Variants in SLC47A1 observed in about 807,000 individuals in gnomAD.
SLC47A1 encodes solute carrier family 47 member 1.
Under a neutral mutation model 65.8 loss-of-function variants are expected in SLC47A1, and 58 were observed. The ratio of observed to expected loss-of-function variants is 0.88; its 90% confidence interval spans 0.71 to 1.10. The LOEUF (loss-of-function observed/expected upper bound fraction) is 1.10. Among genes scored for constraint, SLC47A1 ranks in the 50% least tolerant of loss-of-function variants. The pLI is 0.00. For missense variants in SLC47A1, 706 were observed against 719.2 expected, an observed-to-expected ratio of 0.98 and a Z score of 0.21; for synonymous variants, 285 against 295.0, an observed-to-expected ratio of 0.97 and a Z score of 0.35.
intron 14 of SLC47A1, among the ~76,000 whole-genome samples, chr17:19,570,029 T>G (rs925092071): frequency 4.6e-5 from 7 of 152,164 alleles, no homozygotes; most frequent in Non-Finnish European, 7.3e-5. Context: ...GGAGGATCAC[T>G]TGACTCTAGG....
chr17:19,551,253 G>T (rs1916437742), intron 5 of SLC47A1, among the ~76,000 whole-genome samples, 171 bp from the exon 6 acceptor site: 1 of 152,188 alleles, frequency 6.6e-6, no homozygotes, highest in Admixed American at 6.5e-5. Context: ...GAAGCCCCTG[G>T]GCCATAACAC....
rs1222250614 is a variant in SLC47A1 at position 19,578,589 on chromosome 17, C to T, written c.*1036C>T. 1.3e-5 allele frequency: 2 copies of T among 154,452 alleles called. No individual in the cohort carries two copies. Among genetic ancestry groups the T allele is most frequent in the African/African-American group, 4.8e-5 (2 of 41,464 alleles). 9.6% of individuals were successfully genotyped at this position (154,452 alleles called of 1,614,324 possible). On this transcript the variant is annotated 3_prime_UTR_variant, in exon 17 of 17. Transcript: ENST00000270570. ...GCGGTACACACCGTTAATTCAGCAA[C>T]CCTCAGTACATACTAAGTATGCTCA...
intron 16 of SLC47A1, 53 bp from the exon 17 acceptor site, chr17:19,577,273 TA>T: frequency 6.3e-7 from 1 of 1,589,200 alleles, no homozygotes; most frequent in Non-Finnish European, 8.5e-7. Context: ...TAGCCCTTTA[TA>T]AAAATGAAAA....
chr17:19,568,914 G>A (rs189683271), intron 14 of SLC47A1, among the ~76,000 whole-genome samples: 40 of 151,888 alleles, frequency 2.6e-4, no homozygotes, highest in African/African-American at 9.6e-4. Context: ...TTTTACAGAT[G>A]GGGTCTTGCT....
Position 19,577,558 on chromosome 17 carries a change from G to T in SLC47A1, c.*5G>T. On this transcript the variant is annotated 3_prime_UTR_variant, in exon 17 of 17. Transcript: ENST00000270570. ...TTCTATGTCAGAATTCAGTGACGTG[G>T]TAGGAAAGAAAGTCAGGTCAAGTGA... 1 of 1,613,898 alleles carries T rather than the reference G, an allele frequency of 6.2e-7. No homozygotes were observed. The highest frequency in any genetic ancestry group is 8.5e-7 in the Non-Finnish European group (1 of 1,179,856).
chr17:19,563,824 T>C (rs1271686309), intron 12 of SLC47A1, among the ~76,000 whole-genome samples: 6 of 150,552 alleles, frequency 4.0e-5, no homozygotes, highest in Non-Finnish European at 8.9e-5. Context: ...CTGTCTCTAC[T>C]AAAAAATACA....
At chr17:19,534,492 A>G (rs1915936975) in intron 1 of SLC47A1, 1 of 162,554 alleles carries the variant, frequency 6.2e-6, no homozygotes, top group African/African-American at 2.4e-5. Context: ...AGTTGCCTGA[A>G]CTTCAAAACA....
At chr17:19,547,416 C>T (rs1916317684) in intron 3 of SLC47A1, among the ~76,000 whole-genome samples, 1 of 148,454 alleles carries the variant, frequency 6.7e-6, no homozygotes, top group African/African-American at 2.5e-5. Context: ...GGCACAATCT[C>T]GGCTCACTGC....
intron 1 of SLC47A1, among the ~76,000 whole-genome samples, chr17:19,539,666 A>G (rs1916086452): frequency 1.3e-5 from 2 of 152,014 alleles, no homozygotes; most frequent in Admixed American, 1.3e-4. Context: ...TTGTATTTTT[A>G]GTAGAGATGG....
chr17:19,572,925 T>G (rs902555616), intron 16 of SLC47A1, 64 bp downstream of exon 16: 8 of 1,389,992 alleles, frequency 5.8e-6, no homozygotes, highest in Non-Finnish European at 8.2e-6. Context: ...GGGCTGTTAG[T>G]GAGACACAGC....
chr17:19,572,917 G>T (rs1307111097), intron 16 of SLC47A1, 56 bp downstream of exon 16: 1 of 1,478,102 alleles, frequency 6.8e-7, no homozygotes, highest in Non-Finnish European at 9.5e-7. Flanking sequence ...GACTGGAGGG[G>T]CTGTTAGTGA....
chr17:19,565,943 G>A (rs553646038), intron 12 of SLC47A1, among the ~76,000 whole-genome samples: 25 of 152,224 alleles, frequency 1.6e-4, no homozygotes, highest in Admixed American at 1.3e-3. Flanking sequence ...AATTGCGTGC[G>A]GTTATGAGTA....
chr17:19,535,601 A>G (rs1291679695), intron 1 of SLC47A1: 2 of 151,860 alleles, frequency 1.3e-5, no homozygotes, highest in African/African-American at 4.8e-5. Flanking sequence ...AATACAAAAA[A>G]TAAAAAATAA....
At chr17:19,539,830 G>T (rs1267531067) in intron 1 of SLC47A1, among the ~76,000 whole-genome samples, 1 of 152,074 alleles carries the variant, frequency 6.6e-6, no homozygotes, top group African/African-American at 2.4e-5. Context: ...AGGCTCCCAG[G>T]TGGCCCTTAT....
intron 10 of SLC47A1, among the ~76,000 whole-genome samples, chr17:19,556,549 T>G (rs1446228383): frequency 7.9e-6 from 1 of 125,822 alleles, no homozygotes; most frequent in Non-Finnish European, 1.6e-5. Flanking sequence ...GAAAGCAGGG[T>G]CTTAAAGGGA....
chr17:19,572,729 T>G (rs1286052716), intron 15 of SLC47A1, 51 bp from the exon 16 acceptor site: 2 of 1,559,172 alleles, frequency 1.3e-6, no homozygotes, highest in East Asian at 4.5e-5. Flanking sequence ...TCAAGTAAAA[T>G]ACCATATTAA....
intron 10 of SLC47A1, among the ~76,000 whole-genome samples, chr17:19,558,880 G>A (rs1391613031): frequency 1.3e-5 from 2 of 152,098 alleles, no homozygotes; most frequent in Non-Finnish European, 1.5e-5. Flanking sequence ...TATAGGCAGA[G>A]ACTCAGTCTT....
intron 1 of SLC47A1, among the ~76,000 whole-genome samples, chr17:19,539,453 C>T (rs916846412): frequency 6.6e-6 from 1 of 151,904 alleles, no homozygotes; most frequent in Admixed American, 6.6e-5. Context: ...TGGGGATATA[C>T]TGAAATGAAG....
intron 7 of SLC47A1, 44 bp downstream of exon 7, chr17:19,555,353 C>T: frequency 6.2e-7 from 1 of 1,600,596 alleles, no homozygotes; most frequent in East Asian, 2.2e-5. Flanking sequence ...GGATGACTTG[C>T]ATGTGGTTTT....
Sources: allele counts gnomAD v4.1 joint callset (sites outside exome capture counted in the v4.1 genomes callset), GRCh38; gene constraint gnomAD v4.1.1; transcripts MANE v1.5; gene names NCBI Gene and HGNC (gene_info 2026-07-23, HGNC 2026-07-21).